The following RGS6 variants were observed in gnomAD, a reference collection of about 807,000 sequenced individuals.
RGS6 encodes the protein regulator of G protein signaling 6, also known as regulator of G-protein signaling 6.
In RGS6, 30 loss-of-function variants were observed where a neutral mutation model predicts 78.5. The ratio of observed to expected loss-of-function variants is 0.38; its 90% CI spans 0.29 to 0.52. RGS6 has a LOEUF of 0.52. Ranked by LOEUF, RGS6 falls within the 20% of genes least tolerant of loss-of-function variation. RGS6 has a pLI of 0.85. For missense variants in RGS6, 495 were observed against 609.7 expected (o/e 0.81, Z 1.98); for synonymous variants, 206 against 206.0 (o/e 1.00, Z 0.00).
intron 3 of RGS6, among the ~76,000 whole-genome samples, chr14:72,427,726 C>T (rs1016921823): frequency 6.6e-6 from 1 of 152,172 alleles, no homozygotes; most frequent in African/African-American, 2.4e-5. Flanking sequence ...TCCTTGGTGA[C>T]ACCATTATCC....
the RGS6 span, among the ~76,000 whole-genome samples, chr14:72,574,085 T>C: frequency 1.3e-5 from 2 of 152,192 alleles, no homozygotes; most frequent in Admixed American, 1.3e-4. Context: ...TGGTTTGGAA[T>C]ACCCACACAC....
chr14:72,404,542 C>T lies in RGS6; in HGVS notation c.185-49986C>T, dbSNP rs184067073. 7.1e-4 allele frequency among the ~76,000 whole-genome samples: 108 copies of T among 152,338 alleles called. 1 individual carries two copies. Among genetic ancestry groups the T allele is most frequent in the South Asian group, 1.2e-3 (6 of 4,824 alleles). ...GCTGTCCCCAGGTTGCAAGTCTCTG[C>T]CAGCAGCCCTGCATGCTTCAAGACT... is the stretch of plus-strand genomic sequence containing the variant. On this transcript the variant is annotated intron_variant, in intron 3 of 17. Coordinates refer to ENST00000553525, the MANE Select transcript of RGS6 (RefSeq NM_001204424.2).
At chr14:72,171,989 A>C (rs557137351) in intron 2 of RGS6, among the ~76,000 whole-genome samples, 1 of 152,126 alleles carries the variant, frequency 6.6e-6, no homozygotes, top group Non-Finnish European at 1.5e-5. Flanking sequence ...TGCAGGGTCG[A>C]TGAGCTTGCC....
chr14:71,883,793 C>T, the RGS6 span, among the ~76,000 whole-genome samples: 1 of 152,234 alleles, frequency 6.6e-6, no homozygotes, highest in Non-Finnish European at 1.5e-5. Context: ...GATACTCCCA[C>T]CAGTGCCATG....
intron 2 of RGS6, among the ~76,000 whole-genome samples, chr14:72,024,355 C>T (rs140521015): frequency 2.6e-5 from 4 of 152,262 alleles, no homozygotes; most frequent in African/African-American, 7.2e-5. Flanking sequence ...CACTGACTTT[C>T]TTTACTTGAG....
the RGS6 span, among the ~76,000 whole-genome samples, chr14:71,879,676 C>A: frequency 1.3e-5 from 2 of 152,106 alleles, no homozygotes; most frequent in Non-Finnish European, 2.9e-5. Context: ...GTAAAATGTG[C>A]CTTTCGCCTT....
At chr14:72,341,552 G>T (rs1187971889) in intron 2 of RGS6, among the ~76,000 whole-genome samples, 1 of 152,160 alleles carries the variant, frequency 6.6e-6, no homozygotes, top group Non-Finnish European at 1.5e-5. Flanking sequence ...TGTTTGTTGT[G>T]GGTGGATGAA....
At chr14:72,013,227 C>T (rs565875043) in intron 2 of RGS6, among the ~76,000 whole-genome samples, 10 of 136,552 alleles carry the variant, frequency 7.3e-5, no homozygotes, top group East Asian at 2.2e-4. Flanking sequence ...GCCAAGATCA[C>T]GCCACTGCAC....
chr14:72,619,850 C>T, the RGS6 span: 1 of 1,454,784 alleles, frequency 6.9e-7, no homozygotes, highest in Admixed American at 2.1e-5. Flanking sequence ...TCAGTAAGTG[C>T]TAGTAGTAGT....
At chr14:71,987,385 G>T (rs188742569) in intron 2 of RGS6, among the ~76,000 whole-genome samples, 1 of 152,096 alleles carries the variant, frequency 6.6e-6, no homozygotes, top group Non-Finnish European at 1.5e-5. Flanking sequence ...GGGTGCTCCT[G>T]TTAGGCCCCA....
intron 2 of RGS6, among the ~76,000 whole-genome samples, chr14:71,990,128 C>T (rs991036844): frequency 2.0e-5 from 3 of 152,108 alleles, no homozygotes; most frequent in Non-Finnish European, 4.4e-5. Context: ...TAATAATAAA[C>T]CAACCTAATC....
intron 3 of RGS6, among the ~76,000 whole-genome samples, chr14:72,368,037 G>A (rs1024780635): frequency 6.5e-4 from 99 of 152,314 alleles, no homozygotes; most frequent in African/African-American, 2.3e-3. Context: ...GTCTTAAGAT[G>A]TGTGTCTCAG....
intron 2 of RGS6, among the ~76,000 whole-genome samples, chr14:72,312,718 A>C (rs913969019): frequency 2.0e-5 from 3 of 152,166 alleles, no homozygotes; most frequent in African/African-American, 7.2e-5. Context: ...CTACCGCAAA[A>C]GGTGATTGTG....
chr14:72,546,534 G>T (rs199786786), intron 17 of RGS6, among the ~76,000 whole-genome samples: 1 of 152,124 alleles, frequency 6.6e-6, no homozygotes, highest in Non-Finnish European at 1.5e-5. Flanking sequence ...CAACCTGTCC[G>T]CCAAAAGCAG....
chr14:72,293,327 A>G (rs910733710), intron 2 of RGS6, among the ~76,000 whole-genome samples: 9 of 152,350 alleles, frequency 5.9e-5, no homozygotes, highest in Admixed American at 3.3e-4. Flanking sequence ...GACAGCACAG[A>G]AAAATAGTAA....
At chr14:72,620,043 C>T in the RGS6 span, 1 of 1,447,490 alleles carries the variant, frequency 6.9e-7, no homozygotes, top group Non-Finnish European at 9.2e-7. Context: ...GGGCCAATGT[C>T]TGGCCCCCGC....
At chr14:72,124,231 G>A (rs1174526127) in intron 2 of RGS6, among the ~76,000 whole-genome samples, 2 of 152,080 alleles carry the variant, frequency 1.3e-5, no homozygotes, top group African/African-American at 4.8e-5. Context: ...GTGAGCTTTC[G>A]ATATTAGTTA....
chr14:72,237,111 C>T (rs2051289732), intron 2 of RGS6, among the ~76,000 whole-genome samples: 4 of 152,300 alleles, frequency 2.6e-5, no homozygotes, highest in East Asian at 1.9e-4. Context: ...ATACATACTA[C>T]TTTGCATGAG....
intron 17 of RGS6, among the ~76,000 whole-genome samples, chr14:72,556,683 G>C (rs1237260155): frequency 6.9e-6 from 1 of 144,696 alleles, no homozygotes; most frequent in African/African-American, 2.7e-5. Context: ...GGTAGGGGTC[G>C]GGGGGGCGGG....
Sources: allele counts gnomAD v4.1 joint callset (sites outside exome capture counted in the v4.1 genomes callset), GRCh38; gene constraint gnomAD v4.1.1; transcripts MANE v1.5; gene names NCBI Gene and HGNC (gene_info 2026-07-23, HGNC 2026-07-21).